LATS1: variants seen among roughly 807,000 people sequenced by gnomAD.
LATS1 encodes the protein large tumor suppressor kinase 1.
Under a neutral mutation model 106.6 loss-of-function variants are expected in LATS1, and 25 were observed. The ratio of observed to expected loss-of-function variants is 0.23; its 90% CI spans 0.17 to 0.33. The LOEUF (loss-of-function observed/expected upper bound fraction) is 0.33. Among genes scored for constraint, LATS1 ranks in the 10% least tolerant of loss-of-function variants. LATS1 has a pLI of 1.00. For missense variants in LATS1, 1,040 were observed against 1,382.6 expected (o/e 0.75, Z 3.93); for synonymous variants, 465 against 455.6 (o/e 1.02, Z -0.26).
chr6:149,682,636 G>A (rs1032890947), intron 4 of LATS1, among the ~76,000 whole-genome samples: 4 of 151,800 alleles, frequency 2.6e-5, no homozygotes, highest in African/African-American at 9.7e-5. Flanking sequence ...GGATGGTCTC[G>A]ATCTCCTGAC....
chr6:149,674,258 A>G (rs947875767), intron 7 of LATS1, among the ~76,000 whole-genome samples: 1 of 151,468 alleles, frequency 6.6e-6, no homozygotes, highest in Non-Finnish European at 1.5e-5. Context: ...TATTGTTAGT[A>G]GAGACAGGGT....
At chr6:149,715,218 G>C (rs557158316) in intron 1 of LATS1, among the ~76,000 whole-genome samples, 1 of 151,964 alleles carries the variant, frequency 6.6e-6, no homozygotes, top group African/African-American at 2.4e-5. Context: ...ACAGACCCGC[G>C]CTACCACACC....
intron 1 of LATS1, among the ~76,000 whole-genome samples, chr6:149,713,656 CTGTTT>C (rs1784231130): frequency 1.3e-5 from 2 of 151,416 alleles, no homozygotes; most frequent in Non-Finnish European, 2.9e-5. Flanking sequence ...TTCTTTTTTT[CTGTTT>C]TGTTTTTGTT....
intron 1 of LATS1, among the ~76,000 whole-genome samples, chr6:149,706,188 A>G (rs1382109161): frequency 3.5e-4 from 16 of 45,308 alleles, no homozygotes; most frequent in Admixed American, 1.8e-3. Context: ...GGTCGCAAAA[A>G]AAAAAAAAAA....
At chr6:149,666,223 A>G (rs115078143) in intron 7 of LATS1, among the ~76,000 whole-genome samples, 1,609 of 152,156 alleles carry the variant, frequency 0.011, 32 homozygotes, top group African/African-American at 0.038. Context: ...AACTTAGTAT[A>G]CAAAACAAAC....
chr6:149,697,536 TTTG>T (rs1355361479), intron 2 of LATS1, among the ~76,000 whole-genome samples: 6 of 152,322 alleles, frequency 3.9e-5, no homozygotes, highest in African/African-American at 1.4e-4. Context: ...TATTTAGATT[TTTG>T]TTAAAACCAA....
intron 7 of LATS1, among the ~76,000 whole-genome samples, chr6:149,674,573 C>T (rs903661288): frequency 4.6e-5 from 7 of 151,830 alleles, no homozygotes; most frequent in African/African-American, 1.5e-4. Context: ...GGGGTTTCAC[C>T]ATGTTGCCCA....
intron 1 of LATS1, chr6:149,702,480 AT>A: frequency 5.6e-6 from 1 of 177,474 alleles, no homozygotes; most frequent in Non-Finnish European, 1.2e-5. Flanking sequence ...AGCTATGATG[AT>A]TTAAAAAAAA....
intron 3 of LATS1, 119 bp from the exon 4 acceptor site, chr6:149,684,711 T>C: frequency 1.4e-6 from 1 of 692,928 alleles, no homozygotes; most frequent in Middle Eastern, 3.4e-4. Context: ...TCAAGAATTA[T>C]AAAAATATAA....
chr6:149,664,402 T>A (rs1781038368), intron 7 of LATS1, among the ~76,000 whole-genome samples: 1 of 152,108 alleles, frequency 6.6e-6, no homozygotes, highest in African/African-American at 2.4e-5. Flanking sequence ...TCGATGAAAG[T>A]CATTAATGTA....
In LATS1 at chr6:149,704,885, T is replaced by TAC. The variant is rs1491407237; in HGVS notation, c.-140-2620_-140-2619insGT. Reference sequence around the variant, plus strand: ...AAAATTTATATTTATAGAAATTAATTATACACACACACACACACACACACA... The same window carrying TAC: ...AAAATTTATATTTATAGAAATTAATTACATACACACACACACACACACACACA... On this transcript the variant is annotated intron_variant, in intron 1 of 7. Coordinates refer to ENST00000543571, the MANE Select transcript of LATS1 (RefSeq NM_004690.4). Among the ~76,000 whole-genome samples the TAC allele has an allele frequency of 5.0e-3, 323 of 64,060 alleles. 1 individual carries two copies. Among genetic ancestry groups the TAC allele is most frequent in the African/African-American group, 0.019 (306 of 16,122 alleles). 42.0% of individuals were successfully genotyped at this position (64,060 alleles called of 152,430 possible).
chr6:149,679,932 C>G lies in LATS1; in HGVS notation c.2536G>C (p.Asp846His), dbSNP rs1440128212. Residue 846 changes from aspartate (D) to histidine (H), a missense_variant, in exon 5 of 8, where the codon GAC (aspartate) becomes CAC (histidine). Asp to His is a moderately conservative substitution (Grantham distance 81, BLOSUM62 -1). This residue lies in a region of LATS1 where 167 missense variants were observed against 332.1 expected (regional missense o/e 0.50). Transcript: ENST00000543571. Reference sequence around the variant, plus strand: ...CTGAAGCCAGTGCAGAGGCCAAAGTCAGTCAATTTAATATGACCATCACGA... The same window carrying G: ...CTGAAGCCAGTGCAGAGGCCAAAGTGAGTCAATTTAATATGACCATCACGA... ...IDRDGHIKLT[D>H]FGLCTGFRWT... 1 of 1,613,540 alleles carries G rather than the reference C, an allele frequency of 6.2e-7. No homozygotes were observed. Among genetic ancestry groups the G allele is most frequent in the Admixed American group, 1.7e-5 (1 of 59,946 alleles).
chr6:149,687,351 A>G (rs1018596618), intron 3 of LATS1, among the ~76,000 whole-genome samples: 1 of 152,112 alleles, frequency 6.6e-6, no homozygotes, highest in East Asian at 1.9e-4. Context: ...TCAGCATCCC[A>G]AAGTGTTGGG....
intron 1 of LATS1, among the ~76,000 whole-genome samples, chr6:149,704,885 TATACACACAC>T (rs974111916): frequency 3.1e-5 from 2 of 64,048 alleles, no homozygotes; most frequent in African/African-American, 1.2e-4. Context: ...AGAAATTAAT[TATACACACAC>T]ACACACACAC....
At chr6:149,680,987 C>T (rs1001557941) in intron 4 of LATS1, among the ~76,000 whole-genome samples, 2 of 152,068 alleles carry the variant, frequency 1.3e-5, no homozygotes, top group African/African-American at 2.4e-5. Flanking sequence ...TCCCTATTCT[C>T]AATAAATATA....
At position 149,673,597 on chromosome 6, in the gene LATS1, G is replaced by A. The variant is rs959229772; in HGVS notation, c.2883+2663C>T. On this transcript the variant is annotated intron_variant, in intron 7 of 7. Coordinates refer to ENST00000543571, the MANE Select transcript of LATS1 (RefSeq NM_004690.4). ...TTTCAGACATACCTGAGACAAACCT[G>A]AGAGAATGCCTTATCAGCAGACCTA... Among the ~76,000 whole-genome samples, 68 of 151,630 alleles carry A rather than the reference G, an allele frequency of 4.5e-4. 2 individuals are homozygous for A. Among genetic ancestry groups the A allele is most frequent in the African/African-American group, 1.6e-3 (67 of 41,234 alleles).
At chr6:149,669,647 G>A (rs1339132456) in intron 7 of LATS1, among the ~76,000 whole-genome samples, 1 of 151,656 alleles carries the variant, frequency 6.6e-6, no homozygotes, top group African/African-American at 2.4e-5. Flanking sequence ...TGTAATCCAG[G>A]CTACTTGGGA....
intron 1 of LATS1, among the ~76,000 whole-genome samples, chr6:149,702,901 C>G (rs1783544082): frequency 6.6e-6 from 1 of 151,224 alleles, no homozygotes. Flanking sequence ...TCTTGAACTC[C>G]TGACCTCATG....
At chr6:149,711,675 G>T (rs1188068925) in intron 1 of LATS1, among the ~76,000 whole-genome samples, 1 of 152,136 alleles carries the variant, frequency 6.6e-6, no homozygotes, top group South Asian at 2.1e-4. Flanking sequence ...AAAAAGATTT[G>T]TACGTTCCAA....
Sources: gnomAD v4.1 joint callset for allele counts (sites outside exome capture counted in the v4.1 genomes callset) on GRCh38, gnomAD v4.1.1 for gene constraint, gnomAD v4.1.1 regional missense constraint, MANE v1.5 for transcripts, NCBI Gene and HGNC (gene_info 2026-07-23, HGNC 2026-07-21) for gene names.